Variants in ID4 observed in about 807,000 individuals in gnomAD.
ID4 encodes the protein DNA-binding protein inhibitor ID-4.
ID4 carries 9 observed loss-of-function variants against 8.6 expected under a neutral mutation model. That is an observed-to-expected ratio of 1.04 (90% CI 0.63 to 1.82). The LOEUF (loss-of-function observed/expected upper bound fraction) is 1.82, where lower values mean the gene tolerates loss of function less well. Ranked by LOEUF, ID4 falls within the 40% of genes most tolerant of loss-of-function variation. The pLI, the probability that ID4 is intolerant of heterozygous loss-of-function variation, is 0.00. For missense variants in ID4, 270 were observed against 235.1 expected (o/e 1.15, Z -0.97); for synonymous variants, 180 against 118.0 (o/e 1.53, Z -3.41).
Position 19,837,716 on chromosome 6 carries a change from C to A in ID4, c.-39C>A, listed in dbSNP as rs1188287174. On this transcript the variant is annotated 5_prime_UTR_variant, in exon 1 of 3. Coordinates refer to ENST00000378700, the MANE Select transcript of ID4 (RefSeq NM_001546.4). ...GAGCTTGCCTGCCTCCCTCGCTCGCCCCAGCGGGTTCGCTCGCGTAGAGCG... is the reference window on the plus strand; with the variant it reads ...GAGCTTGCCTGCCTCCCTCGCTCGCACCAGCGGGTTCGCTCGCGTAGAGCG... 1 of 1,098,372 alleles carries A rather than the reference C, an allele frequency of 9.1e-7. No homozygotes were observed. Among genetic ancestry groups the A allele is most frequent in the Non-Finnish European group, 1.1e-6 (1 of 901,776 alleles). The allele number at this position is 1,098,372 out of a possible 1,614,324, so 68.0% of individuals were successfully genotyped here.
chr6:19,838,507 G>A (rs970402114), intron 1 of ID4, 77 bp from the exon 2 acceptor site: 3 of 1,589,284 alleles, frequency 1.9e-6, no homozygotes, highest in Non-Finnish European at 2.6e-6. Flanking sequence ...CCTGATTTCC[G>A]AGGACAATCC....
Position 19,839,680 on chromosome 6 carries a change from C to A in ID4, c.*485C>A, listed in dbSNP as rs189127402. The stretch of plus-strand genomic sequence containing the variant: ...AACGGGGCAGAGAACTTTCTTTTCT[C>A]TGCAAGAATGTTACATATTGTATAG... On this transcript the variant is annotated 3_prime_UTR_variant, in exon 3 of 3. Transcript: ENST00000378700. 3 of 152,278 alleles carry A rather than the reference C, an allele frequency of 2.0e-5. No homozygotes were observed. Among genetic ancestry groups the A allele is most frequent in the Non-Finnish European group, 2.9e-5 (2 of 67,986 alleles). 9.4% of individuals were successfully genotyped at this position (152,278 alleles called of 1,614,324 possible).
intron 1 of ID4, 94 bp downstream of exon 1, chr6:19,838,289 C>T (rs1436327967): frequency 8.5e-7 from 1 of 1,180,974 alleles, no homozygotes; most frequent in Non-Finnish European, 1.1e-6. Context: ...GTCCTCCGGG[C>T]AGGGGCGGGC....
Position 19,838,633 on chromosome 6 carries a change from C to T in ID4, c.*5C>T. 1 of 1,613,810 alleles carries T rather than the reference C, an allele frequency of 6.2e-7. No individual in the cohort carries two copies. Among genetic ancestry groups the T allele is most frequent in the Non-Finnish European group, 8.5e-7 (1 of 1,179,842 alleles). On this transcript the variant is annotated 3_prime_UTR_variant, in exon 2 of 3. Transcript: ENST00000378700. ...GACAGCATTCTGTGCCGCTGAGCCG[C>T]GCTGTCCAGGTGAGCGCGCATTTCC... is the stretch of plus-strand genomic sequence containing the variant.
At position 19,839,963 on chromosome 6, in the gene ID4, T is replaced by TA. The variant is rs1761324263; in HGVS notation, c.*769dup. On this transcript the variant is annotated 3_prime_UTR_variant, in exon 3 of 3. Coordinates refer to ENST00000378700, the MANE Select transcript of ID4 (RefSeq NM_001546.4). The stretch of plus-strand genomic sequence containing the variant: ...CTTAATTTGCTTTTGTTTTGCCCAG[T>TA]ATAGACTCGGAAGTAACAGTTATAG... 6.6e-6 allele frequency: 1 copy of TA among 152,404 alleles called. No individual in the cohort carries two copies. The highest frequency in any genetic ancestry group is 2.1e-4 in the South Asian group (1 of 4,830). The allele number at this position is 152,404 out of a possible 1,614,324, so 9.4% of individuals were successfully genotyped here. A position where few individuals can be genotyped will look rare whatever the true frequency, so the allele number is the denominator to read the frequency against.
chr6:19,838,329 T>C (rs1761273726), intron 1 of ID4, 134 bp downstream of exon 1: 2 of 1,033,272 alleles, frequency 1.9e-6, no homozygotes, highest in Non-Finnish European at 2.6e-6. Flanking sequence ...CCCCTGCTCC[T>C]CCGGGCTCCC....
In ID4 at chr6:19,838,180, G is replaced by A. The variant is rs952062613; in HGVS notation, c.426G>A (p.Ala142=). The change falls in exon 1 of 3, where the codon GCG becomes GCA. Residue 142 remains alanine (A), a synonymous_variant. Transcript: ENST00000378700. ...CGCCGCCGCGGACCCCGCTCACTGC[G>A]CTCAACACCGACCCGGTGAGAGGCC... ...PAAPPRTPLT[A]LNTDPAGAVN... 2.8e-6 allele frequency: 4 copies of A among 1,451,640 alleles called. No individual in the cohort carries two copies. The highest frequency in any genetic ancestry group is 1.5e-5 in the African/African-American group (1 of 68,068). The allele number at this position is 1,451,640 out of a possible 1,614,324, so 89.9% of individuals were successfully genotyped here.
chr6:19,841,081 G>A lies in ID4; in HGVS notation c.*1886G>A, dbSNP rs1761351859. Among the ~76,000 whole-genome samples the A allele has an allele frequency of 3.3e-5, 5 of 152,124 alleles. No homozygotes were observed. The highest frequency in any genetic ancestry group is 1.2e-4 in the African/African-American group (5 of 41,430). ...CAGTTGAAGTGGCAATGTCTAAACA[G>A]AAATGAACAAAACTAATGCTAGCAG... On this transcript the variant is annotated 3_prime_UTR_variant, in exon 3 of 3. Transcript: ENST00000378700.
chr6:19,838,177 T>C lies in ID4; in HGVS notation c.423T>C (p.Thr141=). The C allele has an allele frequency of 6.7e-7, 1 of 1,487,100 alleles. No individual in the cohort carries two copies. Among genetic ancestry groups the C allele is most frequent in the Non-Finnish European group, 8.9e-7 (1 of 1,118,600 alleles). The allele number at this position is 1,487,100 out of a possible 1,614,324, so 92.1% of individuals were successfully genotyped here. A position where few individuals can be genotyped will look rare whatever the true frequency, so the allele number is the denominator to read the frequency against. Residue 141 remains threonine (T), a synonymous_variant, in exon 1 of 3, where the codon ACT becomes ACC. Transcript: ENST00000378700. ...CCGCGCCGCCGCGGACCCCGCTCAC[T>C]GCGCTCAACACCGACCCGGTGAGAG... ...CPAAPPRTPL[T]ALNTDPAGAV...
At chr6:19,838,322 CT>C in intron 1 of ID4, 127 bp downstream of exon 1, 1 of 1,048,588 alleles carries the variant, frequency 9.5e-7, no homozygotes, top group African/African-American at 1.7e-5. Flanking sequence ...CCCCCTCCCC[CT>C]GCTCCTCCGG....
rs987754355 is a variant in ID4 at position 19,839,691 on chromosome 6, T to G, written c.*496T>G. 1 of 152,580 alleles carries G rather than the reference T, an allele frequency of 6.6e-6. No individual in the cohort carries two copies. The highest frequency in any genetic ancestry group is 1.5e-5 in the Non-Finnish European group (1 of 68,028). The allele number at this position is 152,580 out of a possible 1,614,324, so 9.5% of individuals were successfully genotyped here. A position where few individuals can be genotyped will look rare whatever the true frequency, so the allele number is the denominator to read the frequency against. On this transcript the variant is annotated 3_prime_UTR_variant, in exon 3 of 3. Transcript: ENST00000378700. ...GAACTTTCTTTTCTCTGCAAGAATGTTACATATTGTATAGATAAATGAGTG... is the reference window on the plus strand; with the variant it reads ...GAACTTTCTTTTCTCTGCAAGAATGGTACATATTGTATAGATAAATGAGTG...
Position 19,838,150 on chromosome 6 carries a change from AGCCGCGCC to A in ID4, c.403_410del (p.Pro135AspfsTer42), listed in dbSNP as rs1219295270. 3.3e-6 allele frequency: 5 copies of A among 1,529,690 alleles called. No individual in the cohort carries two copies. The South Asian group carries it at 6.1e-5, about 19-fold the overall frequency. The allele number at this position is 1,529,690 out of a possible 1,614,324, so 94.8% of individuals were successfully genotyped here. A position where few individuals can be genotyped will look rare whatever the true frequency, so the allele number is the denominator to read the frequency against. On this transcript the variant is annotated frameshift_variant, in exon 1 of 3. Transcript: ENST00000378700. LOFTEE classifies it high-confidence loss of function. The stretch of plus-strand genomic sequence containing the variant: ...CACACCACCCGGCCGGGACCTGTCC[AGCCGCGCC>A]GCCGCGGACCCCGCTCACTGCGCTC...
intron 2 of ID4, 26 bp downstream of exon 2, chr6:19,838,668 T>G: frequency 1.9e-6 from 3 of 1,605,528 alleles, no homozygotes; most frequent in Non-Finnish European, 2.6e-6. Context: ...CCGTCTCGGG[T>G]GGCCGGTCAC....
chr6:19,838,767 T>C, intron 2 of ID4, 125 bp downstream of exon 2: 1 of 750,480 alleles, frequency 1.3e-6, no homozygotes, highest in Non-Finnish European at 2.2e-6. Flanking sequence ...CCCAAGGAAG[T>C]AAATCCCCTC....
In ID4 at chr6:19,841,315, G is replaced by A. The variant is rs1010137731; in HGVS notation, c.*2120G>A. Among the ~76,000 whole-genome samples, 10 of 152,100 alleles carry A rather than the reference G, an allele frequency of 6.6e-5. No individual in the cohort carries two copies. The highest frequency in any genetic ancestry group is 2.4e-4 in the African/African-American group (10 of 41,434). ...AAGAAGAAAACACTAGAGTGCTGCT[G>A]GAATTCCAAATCTGAAGAATTCTAA... On this transcript the variant is annotated 3_prime_UTR_variant, in exon 3 of 3. Coordinates refer to ENST00000378700, the MANE Select transcript of ID4 (RefSeq NM_001546.4).
Position 19,838,586 on chromosome 6 carries a change from C to G in ID4, c.444C>G (p.Ala148=). The G allele has an allele frequency of 6.2e-7, 1 of 1,613,988 alleles. No homozygotes were observed. The highest frequency in any genetic ancestry group is 8.5e-7 in the Non-Finnish European group (1 of 1,179,888). The change falls in exon 2 of 3, where the codon GCC becomes GCG. Residue 148 remains alanine, a splice_region_variant and synonymous_variant. Coordinates refer to ENST00000378700, the MANE Select transcript of ID4 (RefSeq NM_001546.4). The stretch of plus-strand genomic sequence containing the variant: ...TTGGTGTTCGGTTGCTGTTCCAGGC[C>G]GGCGCGGTGAACAAGCAGGGCGACA... ...TPLTALNTDP[A]GAVNKQGDSI...
Position 19,839,972 on chromosome 6 carries a change from G to A in ID4, c.*777G>A, listed in dbSNP as rs745832593. ...CTTTTGTTTTGCCCAGTATAGACTCGGAAGTAACAGTTATAGCTAGTGGTC... is the reference window on the plus strand; with the variant it reads ...CTTTTGTTTTGCCCAGTATAGACTCAGAAGTAACAGTTATAGCTAGTGGTC... On this transcript the variant is annotated 3_prime_UTR_variant, in exon 3 of 3. Coordinates refer to ENST00000378700, the MANE Select transcript of ID4 (RefSeq NM_001546.4). 1 of 152,116 alleles carries A rather than the reference G, an allele frequency of 6.6e-6. No homozygotes were observed. The highest frequency in any genetic ancestry group is 1.5e-5 in the Non-Finnish European group (1 of 67,966). The allele number at this position is 152,116 out of a possible 1,614,324, so 9.4% of individuals were successfully genotyped here. A position where few individuals can be genotyped will look rare whatever the true frequency, so the allele number is the denominator to read the frequency against.
Position 19,841,735 on chromosome 6 carries a change from C to T in ID4, c.*2540C>T, listed in dbSNP as rs11545617. 0.17 allele frequency among the ~76,000 whole-genome samples: 26,375 copies of T among 152,092 alleles called. 2,324 individuals carry two copies. Among genetic ancestry groups the T allele is most frequent in the Middle Eastern group, 0.23 (67 of 294 alleles). On this transcript the variant is annotated 3_prime_UTR_variant, in exon 3 of 3. Transcript: ENST00000378700. The stretch of plus-strand genomic sequence containing the variant: ...TTTTAAAAAATTATATGCAGTTGTA[C>T]AAGATACTACATTCCATTGAAATGT...
At position 19,838,151 on chromosome 6, in the gene ID4, G is replaced by A. The variant is rs1227298714; in HGVS notation, c.397G>A (p.Ala133Thr). ...PPHHPAGTCP[A>T]APPRTPLTAL... Reference sequence around the variant, plus strand: ...ACACCACCCGGCCGGGACCTGTCCAGCCGCGCCGCCGCGGACCCCGCTCAC... The same window carrying A: ...ACACCACCCGGCCGGGACCTGTCCAACCGCGCCGCCGCGGACCCCGCTCAC... The change falls in exon 1 of 3, where the codon GCC becomes ACC. Residue 133 changes from alanine to threonine, a missense_variant. By Grantham distance (58) the Ala-to-Thr change is moderately conservative. Transcript: ENST00000378700. 2.0e-6 allele frequency: 3 copies of A among 1,522,024 alleles called. No individual in the cohort carries two copies. The highest frequency in any genetic ancestry group is 2.8e-5 in the African/African-American group (2 of 70,752). The allele number at this position is 1,522,024 out of a possible 1,614,324, so 94.3% of individuals were successfully genotyped here.
Sources: gnomAD v4.1 joint callset for allele counts (sites outside exome capture counted in the v4.1 genomes callset) on GRCh38, gnomAD v4.1.1 for gene constraint, MANE v1.5 for transcripts, NCBI Gene and HGNC (gene_info 2026-07-23, HGNC 2026-07-21) for gene names.